Variants in SLCO1B1 observed in about 807,000 individuals in gnomAD.
The protein encoded by SLCO1B1 is solute carrier organic anion transporter family member 1B1, also known as OATP-2.
In SLCO1B1, 81 loss-of-function variants were observed where a neutral mutation model predicts 70.1. That is an observed-to-expected ratio of 1.16 (90% CI 0.97 to 1.39). SLCO1B1 has a LOEUF of 1.39. Among genes scored for constraint, SLCO1B1 ranks in the 40% most tolerant of loss-of-function variants. SLCO1B1 has a pLI of 0.00. For synonymous variants in SLCO1B1, 283 were observed against 271.5 expected (o/e 1.04, Z -0.42); for missense variants, 895 against 799.6 (o/e 1.12, Z -1.44).
intron 2 of SLCO1B1, among the ~76,000 whole-genome samples, chr12:21,142,508 A>C (rs1001351906): frequency 5.3e-5 from 8 of 152,150 alleles, no homozygotes; most frequent in Admixed American, 3.9e-4. Context: ...TTATTTAGTC[A>C]AATTTGTAGT....
rs185857624 is a variant in SLCO1B1 at position 21,180,102 on chromosome 12, A to T, written c.727+1082A>T. On this transcript the variant is annotated intron_variant, in intron 7 of 14. Coordinates refer to ENST00000256958, the MANE Select transcript of SLCO1B1 (RefSeq NM_006446.5). ...TAATTGATATTTCCAGTGCTTCTTC[A>T]TCCATTTTCCCTCCTTAGATATCTT... Among the ~76,000 whole-genome samples, 18 of 152,184 alleles carry T rather than the reference A, an allele frequency of 1.2e-4. No homozygotes were observed. In the East Asian group the frequency reaches 2.5e-3, roughly 21 times the overall value.
intron 2 of SLCO1B1, among the ~76,000 whole-genome samples, chr12:21,150,748 G>T (rs1295833108): frequency 6.6e-6 from 1 of 152,136 alleles, no homozygotes; most frequent in Non-Finnish European, 1.5e-5. Context: ...AAAAACAAGT[G>T]CAAAAAGGCT....
chr12:21,220,537 G>A (rs575623798), intron 12 of SLCO1B1, among the ~76,000 whole-genome samples: 2 of 152,102 alleles, frequency 1.3e-5, no homozygotes, highest in South Asian at 2.1e-4. Context: ...TCTAGGGACT[G>A]AGTACAGATA....
At chr12:21,151,862 G>A (rs929320692) in intron 2 of SLCO1B1, among the ~76,000 whole-genome samples, 1 of 151,958 alleles carries the variant, frequency 6.6e-6, no homozygotes, top group Admixed American at 6.6e-5. Flanking sequence ...GACATGACTA[G>A]GTGTAACTTT....
chr12:21,226,231 T>C (rs1384177864), intron 14 of SLCO1B1, among the ~76,000 whole-genome samples: 1 of 151,782 alleles, frequency 6.6e-6, no homozygotes, highest in Non-Finnish European at 1.5e-5. Context: ...CTGGACAACA[T>C]GACAAAACCC....
intron 11 of SLCO1B1, 58 bp downstream of exon 11, chr12:21,206,091 A>AT: frequency 7.2e-7 from 1 of 1,388,794 alleles, no homozygotes; most frequent in Non-Finnish European, 1.0e-6. Context: ...AGATTGAACA[A>AT]TTTTTTACCA....
At chr12:21,135,622 A>G (rs1240091694) in intron 1 of SLCO1B1, among the ~76,000 whole-genome samples, 1 of 151,752 alleles carries the variant, frequency 6.6e-6, no homozygotes. Context: ...CTTTGTTGGT[A>G]TAAAGTCTGT....
chr12:21,232,421 C>A (rs7969160), intron 14 of SLCO1B1, among the ~76,000 whole-genome samples: 53,377 of 151,918 alleles, frequency 0.35, 9,691 homozygotes, highest in East Asian at 0.45. Context: ...CAAGCTCCCA[C>A]GGACATAAAA....
chr12:21,216,634 A>G (rs200571855), intron 11 of SLCO1B1, among the ~76,000 whole-genome samples: 2 of 151,910 alleles, frequency 1.3e-5, no homozygotes, highest in African/African-American at 2.4e-5. Flanking sequence ...ACCTGTCTCT[A>G]TTTTTCCTGG....
chr12:21,152,532 G>GTTTTTTTTTTTT (rs1321105425), intron 2 of SLCO1B1, among the ~76,000 whole-genome samples: 14 of 7,906 alleles, frequency 1.8e-3, no homozygotes, highest in African/African-American at 2.6e-3. Context: ...GAGAGGAGAG[G>GTTTTTTTTTTTT]CTTTTTTTTT....
intron 4 of SLCO1B1, among the ~76,000 whole-genome samples, chr12:21,176,415 T>A (rs1313713679): frequency 6.6e-6 from 1 of 152,112 alleles, no homozygotes; most frequent in Non-Finnish European, 1.5e-5. Context: ...TCTGACAGAC[T>A]GATCATCTTT....
At position 21,157,962 on chromosome 12, in the gene SLCO1B1, T is replaced by G. The variant is rs73244884; in HGVS notation, c.85-14688T>G. Reference sequence around the variant, plus strand: ...GTAGTGGTAATTTTTCAAGATGAATTGGAAGATAAAGAAAGAGAGGTCACA... The same window carrying G: ...GTAGTGGTAATTTTTCAAGATGAATGGGAAGATAAAGAAAGAGAGGTCACA... On this transcript the variant is annotated intron_variant, in intron 2 of 14. Coordinates refer to ENST00000256958, the MANE Select transcript of SLCO1B1 (RefSeq NM_006446.5). 4.8e-3 allele frequency among the ~76,000 whole-genome samples: 736 copies of G among 152,262 alleles called. 5 individuals are homozygous for G. Among genetic ancestry groups the G allele is most frequent in the African/African-American group, 0.017 (696 of 41,554 alleles).
intron 11 of SLCO1B1, among the ~76,000 whole-genome samples, chr12:21,212,165 A>G (rs1194993931): frequency 8.6e-6 from 1 of 115,730 alleles, no homozygotes; most frequent in African/African-American, 3.3e-5. Flanking sequence ...TAGGGTGTCA[A>G]TTTTGGATCT....
chr12:21,197,409 G>A (rs186571363), intron 8 of SLCO1B1, among the ~76,000 whole-genome samples: 71 of 152,108 alleles, frequency 4.7e-4, no homozygotes, highest in Non-Finnish European at 6.9e-4. Context: ...TTTTAGCAGG[G>A]AGAAACCAAC....
chr12:21,215,822 A>G (rs1427152032), intron 11 of SLCO1B1, among the ~76,000 whole-genome samples: 1 of 152,128 alleles, frequency 6.6e-6, no homozygotes, highest in African/African-American at 2.4e-5. Context: ...GAATTTGGCT[A>G]TGAATGCATT....
chr12:21,205,828 C>G (rs1190707368), intron 10 of SLCO1B1, 40 bp from the exon 11 acceptor site: 2 of 1,450,428 alleles, frequency 1.4e-6, no homozygotes, highest in Non-Finnish European at 1.9e-6. Context: ...TTTTTCTTCT[C>G]TCTCTCTCTT....
chr12:21,131,762 G>A (rs767233405), intron 1 of SLCO1B1, among the ~76,000 whole-genome samples: 1 of 151,772 alleles, frequency 6.6e-6, no homozygotes, highest in African/African-American at 2.4e-5. Flanking sequence ...CAGGGTGAAG[G>A]GAAATATATT....
At chr12:21,199,522 GT>G (rs1334591842) in intron 8 of SLCO1B1, among the ~76,000 whole-genome samples, 1 of 152,066 alleles carries the variant, frequency 6.6e-6, no homozygotes, top group East Asian at 1.9e-4. Flanking sequence ...AAGACAGAGG[GT>G]TAATAATATT....
At chr12:21,182,871 G>A (rs1940921477) in intron 7 of SLCO1B1, among the ~76,000 whole-genome samples, 1 of 152,176 alleles carries the variant, frequency 6.6e-6, no homozygotes, top group African/African-American at 2.4e-5. Context: ...AGTGCAGAAT[G>A]AGACATGCCT....
Sources: gnomAD v4.1 joint callset for allele counts (sites outside exome capture counted in the v4.1 genomes callset) on GRCh38, gnomAD v4.1.1 for gene constraint, MANE v1.5 for transcripts, NCBI Gene and HGNC (gene_info 2026-07-23, HGNC 2026-07-21) for gene names.